SPSB1: variants seen among roughly 807,000 people sequenced by gnomAD.
SPSB1 encodes splA/ryanodine receptor domain and SOCS box containing 1.
SPSB1 carries 8 observed loss-of-function variants against 21.2 expected under a neutral mutation model. The ratio of observed to expected loss-of-function variants is 0.38; its 90% CI spans 0.22 to 0.68. The LOEUF is 0.68. Among genes scored for constraint, SPSB1 ranks in the 30% least tolerant of loss-of-function variants. The probability of loss-of-function intolerance (pLI) is 0.53; values close to 1 mark genes in which losing one functional copy is unlikely to be tolerated. For missense variants in SPSB1, 242 were observed against 377.8 expected (o/e 0.64, Z 2.98); for synonymous variants, 169 against 161.7 (o/e 1.05, Z -0.34).
At chr1:9,294,938 C>G (rs1362189093) in intron 1 of SPSB1, among the ~76,000 whole-genome samples, 1 of 152,122 alleles carries the variant, frequency 6.6e-6, no homozygotes, top group African/African-American at 2.4e-5. Context: ...GTCTTACTGT[C>G]TAGGCCAGCC....
intron 1 of SPSB1, among the ~76,000 whole-genome samples, chr1:9,320,912 GC>G (rs1639712962): frequency 6.6e-6 from 1 of 151,758 alleles, no homozygotes; most frequent in African/African-American, 2.4e-5. Context: ...ATGGGGAGGG[GC>G]CAAACCCCTC....
intron 1 of SPSB1, among the ~76,000 whole-genome samples, chr1:9,299,832 G>A (rs1310265974): frequency 1.3e-5 from 2 of 151,332 alleles, no homozygotes; most frequent in African/African-American, 4.9e-5. Flanking sequence ...GCATGATGGT[G>A]TGTGCCTGTG....
chr1:9,341,405 C>T (rs191333593), intron 1 of SPSB1, among the ~76,000 whole-genome samples: 91 of 152,330 alleles, frequency 6.0e-4, no homozygotes, highest in African/African-American at 1.9e-3. Context: ...TTGCCTGCCT[C>T]CCCCCACTAG....
Position 9,293,842 on chromosome 1 carries a change from CTGAG to C in SPSB1, c.-150+772_-150+775del, listed in dbSNP as rs1639162167. 1.3e-5 allele frequency among the ~76,000 whole-genome samples: 2 copies of C among 152,074 alleles called. No individual in the cohort carries two copies. The highest frequency in any genetic ancestry group is 1.3e-4 in the Admixed American group (2 of 15,282). On this transcript the variant is annotated intron_variant, in intron 1 of 2. Coordinates refer to ENST00000328089, the MANE Select transcript of SPSB1 (RefSeq NM_025106.4). This position sits in a 1 kb window ranked among gnomAD's most constrained non-coding sequence, Gnocchi z 5.1. ...GGGTCTGCAGGAAGAGCGGGTGTCT[CTGAG>C]AGTGCATCTGCGTGTGTGTTTGTGC...
chr1:9,345,864 C>G lies in SPSB1; in HGVS notation c.-149-9879C>G, dbSNP rs602386. Among the ~76,000 whole-genome samples the G allele has an allele frequency of 0.22, 33,024 of 152,128 alleles. 3,889 individuals carry two copies. The highest frequency in any genetic ancestry group is 0.3 in the African/African-American group (12,630 of 41,470). ...GGCACAGACTTATTTTTATATCCCT[C>G]CTTGAGGGGTCCCTCCTCAAGTTGG... On this transcript the variant is annotated intron_variant, in intron 1 of 2. Coordinates refer to ENST00000328089, the MANE Select transcript of SPSB1 (RefSeq NM_025106.4). The surrounding 1 kb of genome is among the most constrained non-coding windows in gnomAD (Gnocchi z 4.8).
intron 1 of SPSB1, among the ~76,000 whole-genome samples, chr1:9,309,333 T>A (rs1411671260): frequency 4.4e-5 from 6 of 135,010 alleles, no homozygotes; most frequent in East Asian, 2.0e-4. Context: ...TGTGTGTGTG[T>A]GAGTGACAGA....
intron 1 of SPSB1, among the ~76,000 whole-genome samples, chr1:9,315,496 G>A (rs1639599009): frequency 6.6e-6 from 1 of 152,244 alleles, no homozygotes; most frequent in Non-Finnish European, 1.5e-5. Context: ...CCAAGACCTG[G>A]AGAGGCTCGA....
chr1:9,367,081 C>A lies in SPSB1; in HGVS notation c.695-367C>A, dbSNP rs939436120. On this transcript the variant is annotated intron_variant, in intron 2 of 2. Coordinates refer to ENST00000328089, the MANE Select transcript of SPSB1 (RefSeq NM_025106.4). The surrounding 1 kb of genome is among the most constrained non-coding windows in gnomAD (Gnocchi z 5.9). Reference sequence around the variant, plus strand: ...AGCAGGGATCGCCTGGGTTCGAATCCTAGCTGCATCTCCTGCCAGCAGGGC... The same window carrying A: ...AGCAGGGATCGCCTGGGTTCGAATCATAGCTGCATCTCCTGCCAGCAGGGC... 6.6e-6 allele frequency among the ~76,000 whole-genome samples: 1 copy of A among 152,176 alleles called. No homozygotes were observed. The highest frequency in any genetic ancestry group is 1.5e-5 in the Non-Finnish European group (1 of 68,022).
chr1:9,334,237 CACG>C (rs1316996480), intron 1 of SPSB1, among the ~76,000 whole-genome samples: 1 of 152,210 alleles, frequency 6.6e-6, no homozygotes, highest in African/African-American at 2.4e-5. Flanking sequence ...AGGCGCCCAC[CACG>C]ACACCTGGCT....
chr1:9,353,052 C>A (rs527668737), intron 1 of SPSB1, among the ~76,000 whole-genome samples: 4 of 152,122 alleles, frequency 2.6e-5, no homozygotes, highest in Non-Finnish European at 5.9e-5. Context: ...GAGCTGACCT[C>A]TGTGCCCACA....
intron 1 of SPSB1, among the ~76,000 whole-genome samples, chr1:9,301,508 A>C (rs1639328602): frequency 6.6e-6 from 1 of 151,484 alleles, no homozygotes; most frequent in Admixed American, 6.6e-5. Context: ...CAACCAAACA[A>C]AAAAGCAATT....
chr1:9,354,823 G>C (rs1640335749), intron 1 of SPSB1, among the ~76,000 whole-genome samples: 1 of 151,980 alleles, frequency 6.6e-6, no homozygotes, highest in Non-Finnish European at 1.5e-5. Context: ...AATTCTTCCT[G>C]GGCTACCAGT....
At chr1:9,314,189 A>AAC (rs1553124691) in intron 1 of SPSB1, among the ~76,000 whole-genome samples, 3 of 147,776 alleles carry the variant, frequency 2.0e-5, no homozygotes, top group Non-Finnish European at 3.0e-5. Flanking sequence ...AAAAAAAAAC[A>AAC]AAAAACAAAA....
At chr1:9,320,642 T>A (rs2100481920) in intron 1 of SPSB1, among the ~76,000 whole-genome samples, 1 of 152,332 alleles carries the variant, frequency 6.6e-6, no homozygotes. Flanking sequence ...GAAACTGACT[T>A]GCCCCAAATC....
intron 1 of SPSB1, among the ~76,000 whole-genome samples, chr1:9,353,205 G>A (rs1006321559): frequency 3.0e-4 from 45 of 151,766 alleles, no homozygotes; most frequent in African/African-American, 9.2e-4. Context: ...CCGGCCCCTC[G>A]AGAGCCGCCT....
At chr1:9,361,434 G>A (rs960580801) in intron 2 of SPSB1, among the ~76,000 whole-genome samples, 6 of 152,006 alleles carry the variant, frequency 3.9e-5, no homozygotes, top group South Asian at 2.1e-4. Context: ...CGACTTCCAC[G>A]AGGGGCAGCT....
At chr1:9,316,250 T>G (rs1639610998) in intron 1 of SPSB1, among the ~76,000 whole-genome samples, 1 of 152,076 alleles carries the variant, frequency 6.6e-6, no homozygotes, top group African/African-American at 2.4e-5. Context: ...AGACCTGGCC[T>G]GGGAAGGAGA....
At chr1:9,332,792 G>T (rs187305961) in intron 1 of SPSB1, among the ~76,000 whole-genome samples, 1 of 152,136 alleles carries the variant, frequency 6.6e-6, no homozygotes, top group South Asian at 2.1e-4. Context: ...TTTTGGGCCC[G>T]TTCAATTTAT....
rs1640353985 is a variant in SPSB1, at chr1:9,355,916, A to C, written c.25A>C (p.Ile9Leu). 1.3e-6 allele frequency: 2 copies of C among 1,597,454 alleles called. No homozygotes were observed. Among genetic ancestry groups the C allele is most frequent in the Non-Finnish European group, 1.7e-6 (2 of 1,170,814 alleles). ...CATGGGTCAGAAGGTCACTGGAGGG[A>C]TCAAGACTGTGGACATGAGGGACCC... MGQKVTGG[I>L]KTVDMRDPTY... is the part of the protein sequence containing the mutation. Residue 9 changes from isoleucine to leucine, a missense_variant, in exon 2 of 3, where the codon ATC becomes CTC. Physicochemically the swap from Ile to Leu is conservative, Grantham distance 5 (BLOSUM62 2). Transcript: ENST00000328089.
Sources: gnomAD v4.1 joint callset for allele counts (sites outside exome capture counted in the v4.1 genomes callset) on GRCh38, gnomAD v4.1.1 for gene constraint, Gnocchi (gnomAD v3.1) non-coding constraint, MANE v1.5 for transcripts, NCBI Gene and HGNC (gene_info 2026-07-23, HGNC 2026-07-21) for gene names.